The following CGGBP1 variants were observed in gnomAD, a reference collection of about 807,000 sequenced individuals.
CGGBP1 encodes the protein CGG triplet repeat-binding protein 1.
Under a neutral mutation model 11.4 loss-of-function variants are expected in CGGBP1, and 4 were observed. The observed-to-expected ratio is 0.35, with a 90% CI of 0.17 to 0.80. The LOEUF is 0.80. Among genes scored for constraint, CGGBP1 ranks in the 30% least tolerant of loss-of-function variants. CGGBP1 has a pLI of 0.52. For missense variants in CGGBP1, 135 were observed against 202.1 expected (o/e 0.67, Z 2.01); for synonymous variants, 76 against 74.1 (o/e 1.03, Z -0.13).
At chr3:88,141,055 C>A in exon 2 of CGGBP1, 1 of 1,579,096 alleles carries the variant, frequency 6.3e-7, no homozygotes, top group South Asian at 1.2e-5. Context: ...GAAAGTAAGT[C>A]TTCTGTCTTC....
At chr3:88,102,810 C>T (rs1380240483) in intron 2 of CGGBP1, among the ~76,000 whole-genome samples, 2 of 132,754 alleles carry the variant, frequency 1.5e-5, no homozygotes, top group African/African-American at 5.5e-5. Context: ...ACCTCAACCT[C>T]TACTGTCTTT....
chr3:88,078,134 T>A (rs1707911023), intron 2 of CGGBP1, among the ~76,000 whole-genome samples: 1 of 152,236 alleles, frequency 6.6e-6, no homozygotes, highest in African/African-American at 2.4e-5. Flanking sequence ...TTTGTTAAAC[T>A]AGTTAGTAGG....
At chr3:88,071,424 C>T (rs1707503191) in intron 2 of CGGBP1, among the ~76,000 whole-genome samples, 1 of 152,162 alleles carries the variant, frequency 6.6e-6, no homozygotes, top group South Asian at 2.1e-4. Flanking sequence ...GCGGGCGGAT[C>T]ACAAAGTTAG....
At chr3:88,059,238 G>C, upstream of CGGBP1, 1 of 1,521,344 alleles carries the variant, frequency 6.6e-7, no homozygotes, top group South Asian at 1.2e-5. Context: ...GAGGGAACTA[G>C]AGAGGAGGAG....
chr3:88,100,803 C>G (rs1042459797), intron 2 of CGGBP1, among the ~76,000 whole-genome samples: 9 of 151,994 alleles, frequency 5.9e-5, no homozygotes, highest in Non-Finnish European at 1.3e-4. Flanking sequence ...CACAGCGGGG[C>G]CTGTCATGGG....
At chr3:88,074,379 TCGCC>T (rs1707684334) in intron 2 of CGGBP1, among the ~76,000 whole-genome samples, 1 of 151,660 alleles carries the variant, frequency 6.6e-6, no homozygotes, top group Non-Finnish European at 1.5e-5. Context: ...TCTTGCTTTA[TCGCC>T]CAGGCTGGAG....
At chr3:88,106,539 C>G (rs767033967) in intron 2 of CGGBP1, among the ~76,000 whole-genome samples, 2 of 152,048 alleles carry the variant, frequency 1.3e-5, no homozygotes, top group African/African-American at 4.8e-5. Flanking sequence ...AGGTTTCGTT[C>G]GCCATGTTGG....
intron 2 of CGGBP1, among the ~76,000 whole-genome samples, chr3:88,138,200 T>G (rs1269725510): frequency 1.3e-5 from 2 of 152,194 alleles, no homozygotes; most frequent in African/African-American, 4.8e-5. Context: ...ATAAATAACA[T>G]TACTTAATAA....
chr3:88,107,514 C>T (rs1176725475), intron 2 of CGGBP1, among the ~76,000 whole-genome samples: 1 of 152,048 alleles, frequency 6.6e-6, no homozygotes, highest in Admixed American at 6.5e-5. Flanking sequence ...TCTGGGCTCT[C>T]CTGAATTTAT....
rs138407348 is a variant in CGGBP1, at chr3:88,139,641, G to A, written c.-229+1329C>T. On this transcript the variant is annotated intron_variant, in intron 2 of 3. Transcript: ENST00000462901. Reference sequence around the variant, plus strand: ...AAACAAAGAAGTCATCCCTGAGCATGTGGCTGAATTCATTGAAATTCCCAT... The same window carrying A: ...AAACAAAGAAGTCATCCCTGAGCATATGGCTGAATTCATTGAAATTCCCAT... 394 of 1,612,924 alleles carry A rather than the reference G, an allele frequency of 2.4e-4. 6 individuals are homozygous for A. In the African/African-American group the frequency reaches 4.6e-3, roughly 19 times the overall value.
intron 2 of CGGBP1, among the ~76,000 whole-genome samples, chr3:88,064,474 G>T (rs1390437672): frequency 6.6e-6 from 1 of 152,156 alleles, no homozygotes; most frequent in Non-Finnish European, 1.5e-5. Context: ...TGTTAGGGGA[G>T]GGATCTGGGG....
At chr3:88,092,930 T>G (rs994706361) in intron 2 of CGGBP1, among the ~76,000 whole-genome samples, 2 of 152,164 alleles carry the variant, frequency 1.3e-5, no homozygotes, top group Non-Finnish European at 2.9e-5. Flanking sequence ...GGAAGGAAAG[T>G]GGATTCTGCT....
chr3:88,075,340 CAT>C (rs1448921823), intron 2 of CGGBP1, among the ~76,000 whole-genome samples: 1 of 152,212 alleles, frequency 6.6e-6, no homozygotes, highest in Non-Finnish European at 1.5e-5. Flanking sequence ...TAGACCCAAA[CAT>C]GTGCCAAGGC....
upstream of CGGBP1, chr3:88,059,439 T>G (rs1247840831): frequency 6.6e-7 from 1 of 1,521,192 alleles, no homozygotes; most frequent in South Asian, 1.2e-5. Flanking sequence ...GAGGCGGCGC[T>G]GGCAGCGGCA....
intron 2 of CGGBP1, among the ~76,000 whole-genome samples, chr3:88,080,266 C>T (rs1708012173): frequency 6.6e-6 from 1 of 151,552 alleles, no homozygotes; most frequent in Non-Finnish European, 1.5e-5. Context: ...TGTAATTAAT[C>T]ATACTTGGAA....
chr3:88,149,189 A>C (rs879452562), intron 1 of CGGBP1, among the ~76,000 whole-genome samples: 1 of 152,326 alleles, frequency 6.6e-6, no homozygotes, highest in South Asian at 2.1e-4. Context: ...GCTCTTTAGT[A>C]AGAGCCCCAT....
At chr3:88,117,543 G>T (rs1705485599) in intron 2 of CGGBP1, among the ~76,000 whole-genome samples, 1 of 152,108 alleles carries the variant, frequency 6.6e-6, no homozygotes, top group Non-Finnish European at 1.5e-5. Flanking sequence ...AAAGTAGTAT[G>T]CCAGGTGATC....
chr3:88,148,458 A>T (rs1382099162), intron 1 of CGGBP1, among the ~76,000 whole-genome samples: 1 of 152,218 alleles, frequency 6.6e-6, no homozygotes, highest in Non-Finnish European at 1.5e-5. Flanking sequence ...CCTTGAAGAA[A>T]GGTCAGGGTC....
chr3:88,070,793 A>G (rs1313126304), intron 2 of CGGBP1, among the ~76,000 whole-genome samples: 1 of 152,112 alleles, frequency 6.6e-6, no homozygotes, highest in Non-Finnish European at 1.5e-5. Flanking sequence ...TACTGTTTTT[A>G]TCGTCATTTT....
Sources: allele counts gnomAD v4.1 joint callset (sites outside exome capture counted in the v4.1 genomes callset), GRCh38; gene constraint gnomAD v4.1.1; transcripts MANE v1.5; gene names NCBI Gene and HGNC (gene_info 2026-07-23, HGNC 2026-07-21).